Variants in PARD6G observed in about 807,000 individuals in gnomAD.
PARD6G encodes the protein partitioning defective 6 homolog gamma.
PARD6G carries 7 observed loss-of-function variants against 10.7 expected under a neutral mutation model. The observed-to-expected ratio is 0.66, with a 90% CI of 0.37 to 1.23. PARD6G has a LOEUF of 1.23. Among genes scored for constraint, PARD6G ranks in the 50% most tolerant of loss-of-function variants. PARD6G has a pLI of 0.02. For synonymous variants in PARD6G, 287 were observed against 269.4 expected (o/e 1.07, Z -0.64); for missense variants, 548 against 571.8 (o/e 0.96, Z 0.42).
chr18:80,240,263 T>C (rs1407179058), intron 1 of PARD6G, among the ~76,000 whole-genome samples: 1 of 152,236 alleles, frequency 6.6e-6, no homozygotes, highest in African/African-American at 2.4e-5. Flanking sequence ...CACTGCAAAA[T>C]ATAATCATCC....
At chr18:80,195,559 A>ATATATATATATATATG (rs1555736129) in intron 2 of PARD6G, among the ~76,000 whole-genome samples, 1 of 95,878 alleles carries the variant, frequency 1.0e-5, no homozygotes, top group Non-Finnish European at 2.0e-5. Context: ...ATATATATAT[A>ATATATATATATATATG]TATATATATA....
chr18:80,160,311 G>A lies in PARD6G; in HGVS notation c.591C>T (p.Arg197=), dbSNP rs766706380. Residue 197 remains arginine (R), a synonymous_variant, in exon 3 of 3, where the codon CGC becomes CGT. Coordinates refer to ENST00000353265, the MANE Select transcript of PARD6G (RefSeq NM_032510.4). ...LEKVPGIFIS[R]MVPGGLAEST... Reference sequence around the variant, plus strand: ...TCTCCGCCAGGCCCCCGGGTACCATGCGCGAGATGAAGATGCCGGGCACCT... The same window carrying A: ...TCTCCGCCAGGCCCCCGGGTACCATACGCGAGATGAAGATGCCGGGCACCT... The A allele has an allele frequency of 6.2e-7, 1 of 1,612,088 alleles. No individual in the cohort carries two copies. Among genetic ancestry groups the A allele is most frequent in the African/African-American group, 1.3e-5 (1 of 74,914 alleles).
rs1338043306 is a variant in PARD6G, at chr18:80,188,152, A to G, written c.295+14558T>C. 3.9e-5 allele frequency among the ~76,000 whole-genome samples: 6 copies of G among 152,198 alleles called. No homozygotes were observed. The highest frequency in any genetic ancestry group is 3.9e-4 in the Admixed American group (6 of 15,284). On this transcript the variant is annotated intron_variant, in intron 2 of 2. Transcript: ENST00000353265. The surrounding 1 kb of genome is among the most constrained non-coding windows in gnomAD (Gnocchi z 5.4). Reference sequence around the variant, plus strand: ...CACAGTAATATCCCTCTCATTTTACAGTATTTCTATCCCTCCTCAGTCTCT... The same window carrying G: ...CACAGTAATATCCCTCTCATTTTACGGTATTTCTATCCCTCCTCAGTCTCT...
chr18:80,217,032 G>C (rs932909980), intron 1 of PARD6G, among the ~76,000 whole-genome samples: 1 of 152,016 alleles, frequency 6.6e-6, no homozygotes, highest in Non-Finnish European at 1.5e-5. Flanking sequence ...CTGATTGAAG[G>C]GCTGGTACAG....
rs1247931161 is a variant in PARD6G, at chr18:80,175,722, G to A, written c.296-15116C>T. Among the ~76,000 whole-genome samples, 13 of 152,120 alleles carry A rather than the reference G, an allele frequency of 8.5e-5. No homozygotes were observed. ...AGGGACATTAGGTGTTTGGGCTTTT[G>A]CCAAATGTTCACCATCACAAAAAAA... is the stretch of plus-strand genomic sequence containing the variant. On this transcript the variant is annotated intron_variant, in intron 2 of 2. Transcript: ENST00000353265. The surrounding 1 kb of genome is among the most constrained non-coding windows in gnomAD (Gnocchi z 6.7).
At chr18:80,232,506 A>G (rs1039510692) in intron 1 of PARD6G, among the ~76,000 whole-genome samples, 1 of 152,096 alleles carries the variant, frequency 6.6e-6, no homozygotes, top group Non-Finnish European at 1.5e-5. Context: ...GCAGCAAGAA[A>G]AAAATGAGGA....
chr18:80,195,472 C>G (rs1402121051), intron 2 of PARD6G, among the ~76,000 whole-genome samples: 2 of 147,994 alleles, frequency 1.4e-5, no homozygotes, highest in African/African-American at 5.0e-5. Context: ...CCTTGCCGGC[C>G]TTCACTGCAG....
At position 80,159,877 on chromosome 18, in the gene PARD6G, T is replaced by C; in HGVS notation, c.1025A>G (p.Asp342Gly). Residue 342 changes from aspartate to glycine, a missense_variant, in exon 3 of 3, where the codon GAC becomes GGC. This residue lies in a region of PARD6G where 313 missense variants were observed against 279.9 expected (regional missense o/e 1.12). Coordinates refer to ENST00000353265, the MANE Select transcript of PARD6G (RefSeq NM_032510.4). ...AQRLQRDLALDGGLQRLLSSL... is the reference protein window; with the variant it reads ...AQRLQRDLALGGGLQRLLSSL... Reference sequence around the variant, plus strand: ...GCTGAGCAGCCGCTGGAGGCCGCCGTCCAGGGCCAGGTCCCGCTGCAGCCG... The same window carrying C: ...GCTGAGCAGCCGCTGGAGGCCGCCGCCCAGGGCCAGGTCCCGCTGCAGCCG... 1 of 1,514,292 alleles carries C rather than the reference T, an allele frequency of 6.6e-7. No homozygotes were observed. The highest frequency in any genetic ancestry group is 8.8e-7 in the Non-Finnish European group (1 of 1,137,016). 93.8% of individuals were successfully genotyped at this position (1,514,292 alleles called of 1,614,324 possible).
intron 2 of PARD6G, among the ~76,000 whole-genome samples, chr18:80,168,577 G>GTA (rs2052752520): frequency 7.1e-6 from 1 of 141,404 alleles, no homozygotes; most frequent in South Asian, 2.2e-4. Flanking sequence ...TTATGTTTGT[G>GTA]TGTGTGTGTG....
chr18:80,168,573 TTGTGTGTGTG>T lies in PARD6G; in HGVS notation c.296-7977_296-7968del, dbSNP rs3051500. ...TATCCTGTTTTCAGTCAAATTATGT[TTGTGTGTGTG>T]TGTGTGTGTGTGTGTGTGTGTGTGT... is the stretch of plus-strand genomic sequence containing the variant. On this transcript the variant is annotated intron_variant, in intron 2 of 2. Transcript: ENST00000353265. Among the ~76,000 whole-genome samples, 1,309 of 144,414 alleles carry T rather than the reference TTGTGTGTGTG, an allele frequency of 9.1e-3. 29 individuals are homozygous for T. The highest frequency in any genetic ancestry group is 0.032 in the African/African-American group (1,244 of 38,576). 94.7% of individuals were successfully genotyped at this position (144,414 alleles called of 152,430 possible).
At chr18:80,213,582 T>C (rs1015073265) in intron 1 of PARD6G, among the ~76,000 whole-genome samples, 4 of 152,144 alleles carry the variant, frequency 2.6e-5, no homozygotes, top group African/African-American at 7.2e-5. Flanking sequence ...ACAGACTTCA[T>C]AGAATTAGTC....
chr18:80,241,004 G>C (rs977714238), intron 1 of PARD6G, among the ~76,000 whole-genome samples: 5 of 152,178 alleles, frequency 3.3e-5, no homozygotes, highest in Admixed American at 6.5e-5. Flanking sequence ...GACTCTGAAA[G>C]AATAGCTACT....
Position 80,201,269 on chromosome 18 carries a change from C to G in PARD6G, c.295+1441G>C, listed in dbSNP as rs1290852692. Among the ~76,000 whole-genome samples, 8 of 152,094 alleles carry G rather than the reference C, an allele frequency of 5.3e-5. No individual in the cohort carries two copies. The highest frequency in any genetic ancestry group is 5.2e-4 in the Admixed American group (8 of 15,260). On this transcript the variant is annotated intron_variant, in intron 2 of 2. Transcript: ENST00000353265. The surrounding 1 kb of genome is among the most constrained non-coding windows in gnomAD (Gnocchi z 5.9). ...GCAGCCTGTGAACAGATACAGACAC[C>G]CAGGCAATGTGAAGGGGTAGAGAGT...
At chr18:80,197,724 G>A (rs546934879) in intron 2 of PARD6G, 2 of 151,998 alleles carry the variant, frequency 1.3e-5, no homozygotes, top group East Asian at 3.9e-4. Flanking sequence ...TGCACTTCCT[G>A]TTTATCCTGC....
At chr18:80,213,829 G>T (rs1186155039) in intron 1 of PARD6G, among the ~76,000 whole-genome samples, 1 of 151,704 alleles carries the variant, frequency 6.6e-6, no homozygotes, top group Non-Finnish European at 1.5e-5. Flanking sequence ...GTGGTGGCGG[G>T]TGTGTGTAGT....
At chr18:80,167,845 G>A (rs1182134746) in intron 2 of PARD6G, among the ~76,000 whole-genome samples, 3 of 152,126 alleles carry the variant, frequency 2.0e-5, no homozygotes, top group Non-Finnish European at 4.4e-5. Flanking sequence ...GGACACTCAG[G>A]TGAGGTTGAT....
intron 2 of PARD6G, among the ~76,000 whole-genome samples, chr18:80,196,379 A>T (rs529894084): frequency 1.3e-5 from 2 of 152,256 alleles, no homozygotes; most frequent in Admixed American, 1.3e-4. Flanking sequence ...CTTGTTTTAC[A>T]AATATGTTTT....
intron 2 of PARD6G, among the ~76,000 whole-genome samples, chr18:80,190,295 G>A (rs557188172): frequency 6.6e-6 from 1 of 152,252 alleles, no homozygotes; most frequent in Admixed American, 6.5e-5. Context: ...TCAGGTGGAT[G>A]AACCCACCAG....
At chr18:80,187,507 G>A (rs775079800) in intron 2 of PARD6G, among the ~76,000 whole-genome samples, 4 of 152,278 alleles carry the variant, frequency 2.6e-5, no homozygotes, top group Non-Finnish European at 5.9e-5. Flanking sequence ...GGGCTGTTCC[G>A]GTTAGATTTA....
Sources: gnomAD v4.1 joint callset for allele counts (sites outside exome capture counted in the v4.1 genomes callset) on GRCh38, gnomAD v4.1.1 for gene constraint, gnomAD v4.1.1 regional missense constraint, Gnocchi (gnomAD v3.1) non-coding constraint, MANE v1.5 for transcripts, NCBI Gene and HGNC (gene_info 2026-07-23, HGNC 2026-07-21) for gene names.